The following SOX6 variants were observed in gnomAD, a reference collection of about 807,000 sequenced individuals.
SOX6 encodes the protein SRY-box transcription factor 6.
Under a neutral mutation model 97.8 loss-of-function variants are expected in SOX6, and 11 were observed. That is an observed-to-expected ratio of 0.11 (90% CI 0.07 to 0.19). The LOEUF (loss-of-function observed/expected upper bound fraction) is 0.19, where lower values mean the gene tolerates loss of function less well. SOX6 is among the 10% of genes least tolerant of loss of function. SOX6 has a pLI of 1.00. For synonymous variants in SOX6, 360 were observed against 371.4 expected (o/e 0.97, Z 0.35); for missense variants, 810 against 1,039.5 (o/e 0.78, Z 3.04).
In SOX6 at chr11:16,038,228, G is replaced by GT. The variant is rs1855567257; in HGVS notation, c.1623+8285dup. Among the ~76,000 whole-genome samples, 4 of 152,226 alleles carry GT rather than the reference G, an allele frequency of 2.6e-5. No homozygotes were observed. The South Asian group carries it at 6.2e-4, about 24-fold the overall frequency. ...ATCCAGGAATTTTGGGATCTGCAGGGTAGGGAGGTGGGGTCCTGGACCAAT... is the reference window on the plus strand; with the variant it reads ...ATCCAGGAATTTTGGGATCTGCAGGGTTAGGGAGGTGGGGTCCTGGACCAAT... On this transcript the variant is annotated intron_variant, in intron 12 of 15. Coordinates refer to ENST00000683767, the MANE Select transcript of SOX6 (RefSeq NM_001367873.1).
intron 6 of SOX6, among the ~76,000 whole-genome samples, chr11:16,162,679 A>G (rs1448678603): frequency 6.6e-6 from 1 of 152,228 alleles, no homozygotes; most frequent in African/African-American, 2.4e-5. Context: ...CAGCCTGCAG[A>G]ACCATGAGCC....
At chr11:16,012,102 T>A (rs773797524) in intron 13 of SOX6, among the ~76,000 whole-genome samples, 1 of 152,088 alleles carries the variant, frequency 6.6e-6, no homozygotes, top group Non-Finnish European at 1.5e-5. Context: ...GTTGGCTGGT[T>A]GTTTTTTTAG....
At chr11:16,477,487 C>A (rs1332683305), upstream of SOX6, among the ~76,000 whole-genome samples, 2 of 152,126 alleles carry the variant, frequency 1.3e-5, no homozygotes, top group East Asian at 3.9e-4. Flanking sequence ...TAACTCAGCC[C>A]TCTTCAACCC....
At chr11:16,612,166 G>T (rs1189876413) in exon 4 of SOX6, 1 of 152,374 alleles carries the variant, frequency 6.6e-6, no homozygotes, top group African/African-American at 2.4e-5. Flanking sequence ...GAAGGGAGGA[G>T]TGGGAGTGCC....
chr11:16,077,570 T>C (rs901253751), intron 9 of SOX6, among the ~76,000 whole-genome samples: 7 of 152,106 alleles, frequency 4.6e-5, no homozygotes, highest in African/African-American at 1.2e-4. Flanking sequence ...ATGCCCGTCA[T>C]AGTAGACTTG....
At chr11:16,000,240 C>T (rs1388069511) in intron 13 of SOX6, among the ~76,000 whole-genome samples, 3 of 152,140 alleles carry the variant, frequency 2.0e-5, no homozygotes, top group Non-Finnish European at 4.4e-5. Context: ...GTTTGTTTGG[C>T]AGGCAAAATA....
intron 2 of SOX6, 110 bp from the exon 3 acceptor site, chr11:16,318,763 AAATAT>A: frequency 2.8e-6 from 2 of 726,154 alleles, no homozygotes; most frequent in Non-Finnish European, 4.5e-6. Flanking sequence ...AGGACAAATA[AAATAT>A]ATTAATTAAA....
intron 7 of SOX6, among the ~76,000 whole-genome samples, chr11:16,107,381 G>A (rs922022311): frequency 2.1e-5 from 3 of 142,616 alleles, no homozygotes; most frequent in Non-Finnish European, 4.5e-5. Context: ...AATGTGATCT[G>A]TATACATATA....
At chr11:16,482,173 T>C (rs11023959) in intron 4 of SOX6, among the ~76,000 whole-genome samples, 33,376 of 152,116 alleles carry the variant, frequency 0.22, 4,162 homozygotes, top group East Asian at 0.51. Context: ...ATTGTGGCTA[T>C]TCTTTTATAT....
intron 4 of SOX6, among the ~76,000 whole-genome samples, chr11:16,570,532 C>T (rs573687965): frequency 1.3e-5 from 2 of 152,290 alleles, no homozygotes; most frequent in East Asian, 3.9e-4. Flanking sequence ...AATAAACACA[C>T]ACTTTTTCTC....
At chr11:16,379,488 A>G (rs1431142400) in intron 1 of SOX6, among the ~76,000 whole-genome samples, 1 of 152,152 alleles carries the variant, frequency 6.6e-6, no homozygotes, top group African/African-American at 2.4e-5. Context: ...AAAAAATGCA[A>G]ATAAATAAAG....
chr11:16,381,772 T>C (rs1857829040), intron 1 of SOX6, among the ~76,000 whole-genome samples: 1 of 151,786 alleles, frequency 6.6e-6, no homozygotes, highest in Non-Finnish European at 1.5e-5. Flanking sequence ...TTTCTTCTTA[T>C]TCCCCCACTC....
Position 16,607,221 on chromosome 11 carries a change from G to C in SOX6, n.609+4860C>G, listed in dbSNP as rs1325345142. 2 of 152,656 alleles carry C rather than the reference G, an allele frequency of 1.3e-5. No homozygotes were observed. The highest frequency in any genetic ancestry group is 2.9e-5 in the Non-Finnish European group (2 of 68,512). The allele number at this position is 152,656 out of a possible 1,614,324, so 9.5% of individuals were successfully genotyped here. ...GCAGGAGCGGAAGACGCCGGGGGAC[G>C]GCGGCCCGGCCCTGGGCTCCTGCCC... On this transcript the variant is annotated intron_variant and non_coding_transcript_variant, in intron 4 of 5. Coordinates refer to the SOX6 transcript ENST00000524520. The surrounding 1 kb of genome is among the most constrained non-coding windows in gnomAD (Gnocchi z 6.5).
At chr11:16,715,421 G>C (rs902012143) in intron 2 of SOX6, among the ~76,000 whole-genome samples, 1 of 152,034 alleles carries the variant, frequency 6.6e-6, no homozygotes, top group South Asian at 2.1e-4. Context: ...TATTTCTGTA[G>C]AATAGCATTG....
chr11:16,177,568 T>C (rs912854735), intron 6 of SOX6, among the ~76,000 whole-genome samples: 3 of 151,752 alleles, frequency 2.0e-5, no homozygotes, highest in African/African-American at 7.3e-5. Context: ...ATTAAATTTA[T>C]TTAAATTCCA....
At chr11:16,068,123 T>A (rs1848137260) in intron 9 of SOX6, among the ~76,000 whole-genome samples, 2 of 151,898 alleles carry the variant, frequency 1.3e-5, no homozygotes, top group Admixed American at 1.3e-4. Context: ...TAGGGAGGCA[T>A]CCTTAAGGAG....
chr11:16,183,836 G>T, intron 6 of SOX6, 50 bp downstream of exon 6: 1 of 1,553,610 alleles, frequency 6.4e-7, no homozygotes, highest in Non-Finnish European at 8.9e-7. Context: ...CCATTTTCAA[G>T]GAGGAAAGTA....
chr11:16,318,460 C>A lies in SOX6; in HGVS notation c.431G>T (p.Arg144Leu), dbSNP rs759551935. The A allele has an allele frequency of 6.2e-7, 1 of 1,612,838 alleles. No homozygotes were observed. The highest frequency in any genetic ancestry group is 8.5e-7 in the Non-Finnish European group (1 of 1,179,552). Residue 144 changes from arginine (R) to leucine (L), a missense_variant, in exon 3 of 16, where the codon CGG (arginine) becomes CTG (leucine). Around this residue, in one of 9 missense-constraint regions of SOX6, gnomAD observed 110 missense variants for 119.0 expected, o/e 0.92. Transcript: ENST00000683767. ...TCCACACATACCCTCTTGTTCAGTC[C>A]GAGTCATTTCCTCAAGCTTCTTCTG... ...LKQKKLEEMT[R>L]TEQEDSSCME...
At chr11:16,515,057 T>C (rs1224361530) in intron 4 of SOX6, among the ~76,000 whole-genome samples, 25 of 151,462 alleles carry the variant, frequency 1.7e-4, no homozygotes, top group East Asian at 2.0e-4. Flanking sequence ...TTTGGGTATA[T>C]ACCCAGTAAT....
Sources: gnomAD v4.1 joint callset for allele counts (sites outside exome capture counted in the v4.1 genomes callset) on GRCh38, gnomAD v4.1.1 for gene constraint, gnomAD v4.1.1 regional missense constraint, Gnocchi (gnomAD v3.1) non-coding constraint, MANE v1.5 for transcripts, NCBI Gene and HGNC (gene_info 2026-07-23, HGNC 2026-07-21) for gene names.